Variants in DNAJC3 observed in about 807,000 individuals in gnomAD.
DNAJC3 encodes DnaJ heat shock protein family (Hsp40) member C3.
DNAJC3 carries 38 observed loss-of-function variants against 68.6 expected under a neutral mutation model. The observed-to-expected ratio is 0.55, with a 90% confidence interval of 0.43 to 0.73. The LOEUF is 0.73. Ranked by LOEUF, DNAJC3 falls within the 30% of genes least tolerant of loss-of-function variation. The pLI is 0.00. For synonymous variants in DNAJC3, 203 were observed against 204.0 expected (o/e 1.00, Z 0.04); for missense variants, 526 against 591.9 (o/e 0.89, Z 1.16).
At position 95,704,852 on chromosome 13, in the gene DNAJC3, T is replaced by TG. The variant is rs1491418107; in HGVS notation, c.83-4375_83-4374insG. Among the ~76,000 whole-genome samples, 86 of 121,466 alleles carry TG rather than the reference T, an allele frequency of 7.1e-4. 1 individual carries two copies. Among genetic ancestry groups the TG allele is most frequent in the Middle Eastern group, 4.1e-3 (1 of 246 alleles). The allele number at this position is 121,466 out of a possible 152,430, so 79.7% of individuals were successfully genotyped here. A position where few individuals can be genotyped will look rare whatever the true frequency, so the allele number is the denominator to read the frequency against. ...GAAAGGACTAATCTGTGTGTGTGTGTTTTTTTTTTTTTTTTTTGAGACAGA... is the reference window on the plus strand; with the variant it reads ...GAAAGGACTAATCTGTGTGTGTGTGTGTTTTTTTTTTTTTTTTTGAGACAGA... On this transcript the variant is annotated intron_variant, in intron 1 of 11. Coordinates refer to ENST00000602402, the MANE Select transcript of DNAJC3 (RefSeq NM_006260.5).
At chr13:95,693,259 C>CAGCTT (rs1333856621) in intron 1 of DNAJC3, 1 of 152,202 alleles carries the variant, frequency 6.6e-6, no homozygotes, top group African/African-American at 2.4e-5. Flanking sequence ...TTATTATTGG[C>CAGCTT]AGCTTAGCAC....
At chr13:95,724,192 T>C (rs1881431661) in intron 3 of DNAJC3, among the ~76,000 whole-genome samples, 1 of 152,236 alleles carries the variant, frequency 6.6e-6, no homozygotes, top group African/African-American at 2.4e-5. Flanking sequence ...AAAGGTTAAA[T>C]GGCTCATTTT....
rs184550897 is a variant in DNAJC3 at position 95,705,802 on chromosome 13, G to T, written c.83-3425G>T. ...AGTTCTCCTGCCTTGGCCTCACAAA[G>T]TGTTGGGATTACAGACTTGAGCTAC... On this transcript the variant is annotated intron_variant, in intron 1 of 11. Transcript: ENST00000602402. 8.5e-5 allele frequency among the ~76,000 whole-genome samples: 13 copies of T among 152,272 alleles called. No homozygotes were observed. In the East Asian group the frequency reaches 2.5e-3, roughly 29 times the overall value.
rs1212813127 is a variant in DNAJC3 at position 95,791,630 on chromosome 13, A to G, written c.*600A>G. On this transcript the variant is annotated 3_prime_UTR_variant, in exon 12 of 12. Transcript: ENST00000602402. Reference sequence around the variant, plus strand: ...CCATCTTTTAGGAACCCTGCCACCAAATAATAATATATCCAGGCTTAGACT... The same window carrying G: ...CCATCTTTTAGGAACCCTGCCACCAGATAATAATATATCCAGGCTTAGACT... The G allele has an allele frequency of 1.3e-5, 2 of 152,582 alleles. No individual in the cohort carries two copies. Among genetic ancestry groups the G allele is most frequent in the East Asian group, 1.9e-4 (1 of 5,204 alleles). The allele number at this position is 152,582 out of a possible 1,614,324, so 9.5% of individuals were successfully genotyped here. A position where few individuals can be genotyped will look rare whatever the true frequency, so the allele number is the denominator to read the frequency against.
At chr13:95,678,343 G>T (rs1374524853) in intron 1 of DNAJC3, among the ~76,000 whole-genome samples, 3 of 152,128 alleles carry the variant, frequency 2.0e-5, no homozygotes, top group Admixed American at 6.5e-5. Flanking sequence ...ATTGTTTATA[G>T]TGAATTCTTC....
At chr13:95,693,075 C>T (rs1880323993) in intron 1 of DNAJC3, 1 of 151,892 alleles carries the variant, frequency 6.6e-6, no homozygotes, top group Non-Finnish European at 1.5e-5. Context: ...CTGCCTCGGC[C>T]TCCCAAAGTG....
chr13:95,696,647 T>C (rs1880448303), intron 1 of DNAJC3, among the ~76,000 whole-genome samples: 1 of 152,248 alleles, frequency 6.6e-6, no homozygotes, highest in Non-Finnish European at 1.5e-5. Context: ...TTGCTTTTTT[T>C]CCCAGTTGCA....
intron 10 of DNAJC3, 119 bp from the exon 11 acceptor site, chr13:95,786,888 A>C: frequency 8.3e-7 from 1 of 1,199,498 alleles, no homozygotes. Flanking sequence ...TACCATTGGA[A>C]CTATTTTATA....
intron 2 of DNAJC3, among the ~76,000 whole-genome samples, chr13:95,720,153 T>C (rs1242689894): frequency 6.6e-6 from 1 of 152,130 alleles, no homozygotes; most frequent in African/African-American, 2.4e-5. Context: ...TAGAATGTTA[T>C]GGAATTTGAG....
At chr13:95,774,166 C>G (rs1883238753) in intron 9 of DNAJC3, among the ~76,000 whole-genome samples, 2 of 152,112 alleles carry the variant, frequency 1.3e-5, no homozygotes, top group South Asian at 4.1e-4. Context: ...TTTGCTAGAA[C>G]AGTCATTGAT....
At chr13:95,738,149 A>AGTT (rs1881994992) in intron 4 of DNAJC3, among the ~76,000 whole-genome samples, 1 of 148,622 alleles carries the variant, frequency 6.7e-6, no homozygotes, top group Non-Finnish European at 1.5e-5. Context: ...GAGATTCTTA[A>AGTT]TCCTGAGTTC....
At chr13:95,757,575 C>A in intron 4 of DNAJC3, 69 bp from the exon 5 acceptor site, 2 of 1,407,802 alleles carry the variant, frequency 1.4e-6, no homozygotes, top group East Asian at 2.4e-5. Flanking sequence ...ATGGTTTACC[C>A]TTGTGTATAT....
At chr13:95,700,789 C>G (rs1411805734) in intron 1 of DNAJC3, among the ~76,000 whole-genome samples, 1 of 152,036 alleles carries the variant, frequency 6.6e-6, no homozygotes, top group Non-Finnish European at 1.5e-5. Context: ...CTTATTTTTT[C>G]TGTGTTCACT....
intron 2 of DNAJC3, among the ~76,000 whole-genome samples, chr13:95,714,643 A>G (rs928213226): frequency 3.9e-5 from 6 of 152,216 alleles, no homozygotes; most frequent in African/African-American, 1.4e-4. Context: ...AGGGCTGTTT[A>G]CTGTGTGACC....
chr13:95,775,881 G>C (rs1176055901), intron 9 of DNAJC3, among the ~76,000 whole-genome samples: 3 of 152,128 alleles, frequency 2.0e-5, no homozygotes, highest in African/African-American at 7.2e-5. Context: ...TAGAGTTACT[G>C]TCTCTCTGCC....
intron 4 of DNAJC3, among the ~76,000 whole-genome samples, chr13:95,749,837 C>G (rs955188681): frequency 1.3e-5 from 2 of 152,014 alleles, no homozygotes; most frequent in Non-Finnish European, 2.9e-5. Context: ...ATCATCAGGT[C>G]AGGAGATTGA....
At chr13:95,790,205 G>T (rs1883724581) in intron 11 of DNAJC3, among the ~76,000 whole-genome samples, 1 of 152,164 alleles carries the variant, frequency 6.6e-6, no homozygotes, top group Admixed American at 6.5e-5. Flanking sequence ...AATAGTATTT[G>T]CCTAGGTTGT....
In DNAJC3 at chr13:95,787,131, G is replaced by A; in HGVS notation, c.1333G>A (p.Ala445Thr). The A allele has an allele frequency of 1.2e-6, 2 of 1,612,364 alleles. No homozygotes were observed. Among genetic ancestry groups the A allele is most frequent in the Non-Finnish European group, 1.7e-6 (2 of 1,179,658 alleles). The change falls in exon 11 of 12, where the codon GCT (alanine) becomes ACT (threonine). Residue 445 changes from alanine to threonine, a missense_variant. Ala to Thr is a moderately conservative substitution (Grantham distance 58, BLOSUM62 0). Coordinates refer to ENST00000602402, the MANE Select transcript of DNAJC3 (RefSeq NM_006260.5). ...GAAAAAGTTCATTGATATAGCAGCTGCTAAAGAAGTCCTCTCTGATCCAGG... is the reference window on the plus strand; with the variant it reads ...GAAAAAGTTCATTGATATAGCAGCTACTAAAGAAGTCCTCTCTGATCCAGG... ...AEKKFIDIAA[A>T]KEVLSDPEMR...
chr13:95,746,867 T>G (rs1882320644), intron 4 of DNAJC3, among the ~76,000 whole-genome samples: 1 of 152,216 alleles, frequency 6.6e-6, no homozygotes, highest in African/African-American at 2.4e-5. Context: ...TGTATACTGA[T>G]TACTCAGCTG....
Sources: gnomAD v4.1 joint callset for allele counts (sites outside exome capture counted in the v4.1 genomes callset) on GRCh38, gnomAD v4.1.1 for gene constraint, MANE v1.5 for transcripts, NCBI Gene and HGNC (gene_info 2026-07-23, HGNC 2026-07-21) for gene names.